ABCA12: variants seen among roughly 807,000 people sequenced by gnomAD.
ABCA12 encodes glucosylceramide transporter ABCA12.
ABCA12 carries 156 observed loss-of-function variants against 293.5 expected under a neutral mutation model. That is an observed-to-expected ratio of 0.53 (90% CI 0.47 to 0.61). The LOEUF (loss-of-function observed/expected upper bound fraction) is 0.61. Among genes scored for constraint, ABCA12 ranks in the 20% least tolerant of loss-of-function variants. The probability of loss-of-function intolerance (pLI) is 0.00; values close to 1 mark genes in which losing one functional copy is unlikely to be tolerated. For missense variants in ABCA12, 2,797 were observed against 3,090.2 expected, an observed-to-expected ratio of 0.91 and a Z score of 2.25; for synonymous variants, 1,063 against 1,108.0, an observed-to-expected ratio of 0.96 and a Z score of 0.81.
chr2:215,092,056 A>G (rs908021692), intron 2 of ABCA12, among the ~76,000 whole-genome samples: 46 of 152,240 alleles, frequency 3.0e-4, no homozygotes, highest in African/African-American at 1.0e-3. Context: ...TCAGATTAGC[A>G]GCTGAAGATT....
intron 15 of ABCA12, among the ~76,000 whole-genome samples, chr2:215,012,751 T>C (rs1205673737): frequency 2.0e-5 from 3 of 152,158 alleles, no homozygotes; most frequent in Non-Finnish European, 4.4e-5. Flanking sequence ...AAAAAAATCA[T>C]TGAGTTAATC....
At chr2:215,045,218 C>G (rs144492669) in intron 7 of ABCA12, among the ~76,000 whole-genome samples, 4 of 152,296 alleles carry the variant, frequency 2.6e-5, no homozygotes, top group Admixed American at 1.3e-4. Flanking sequence ...CCATTAAACT[C>G]TAAATACTGG....
intron 1 of ABCA12, among the ~76,000 whole-genome samples, chr2:215,134,707 G>T (rs1363576267): frequency 6.9e-6 from 1 of 145,626 alleles, no homozygotes; most frequent in Non-Finnish European, 1.5e-5. Flanking sequence ...GAGTACAGGG[G>T]TTCAATCTAG....
chr2:215,118,684 C>G (rs186712436), intron 1 of ABCA12, among the ~76,000 whole-genome samples: 12 of 152,038 alleles, frequency 7.9e-5, no homozygotes, highest in African/African-American at 1.2e-4. Flanking sequence ...AGTGGGGATA[C>G]AGCAATGTAA....
chr2:214,953,185 C>A (rs1698832722), intron 44 of ABCA12, among the ~76,000 whole-genome samples: 2 of 152,234 alleles, frequency 1.3e-5, no homozygotes, highest in South Asian at 4.1e-4. Context: ...ACATAGAGAA[C>A]TATATCATTT....
intron 2 of ABCA12, among the ~76,000 whole-genome samples, chr2:215,073,619 G>A (rs565668885): frequency 7.2e-5 from 11 of 152,156 alleles, no homozygotes; most frequent in South Asian, 2.1e-4. Context: ...ACACCACTTA[G>A]CATCCAGGAA....
At chr2:214,957,179 TA>T (rs1374228464) in intron 41 of ABCA12, among the ~76,000 whole-genome samples, 1 of 152,230 alleles carries the variant, frequency 6.6e-6, no homozygotes, top group East Asian at 1.9e-4. Context: ...GGTTGATTTC[TA>T]AAGCTTGGTT....
chr2:215,014,039 G>A (rs1700435011), intron 15 of ABCA12, among the ~76,000 whole-genome samples: 1 of 151,890 alleles, frequency 6.6e-6, no homozygotes, highest in Admixed American at 6.6e-5. Flanking sequence ...AAATTAGCCG[G>A]GTGTGGTAGC....
At chr2:215,033,120 G>A (rs1464682) in intron 8 of ABCA12, among the ~76,000 whole-genome samples, 146,904 of 152,284 alleles carry the variant, frequency 0.96, 71,072 homozygotes, top group East Asian at 1. Context: ...CTCTGTTCAC[G>A]ATGCAGCTGA....
rs1411973037 is a variant in ABCA12 at position 214,987,553 on chromosome 2, T to C, written c.3976+94A>G. On this transcript the variant is annotated intron_variant, in intron 27 of 52. Transcript: ENST00000272895. ...ATCCATGACTAAAAGGATGATAATT[T>C]TGCCATTTAGAAAAAAATAATTGAA... 11 of 1,443,094 alleles carry C rather than the reference T, an allele frequency of 7.6e-6. No homozygotes were observed. In the Admixed American group the frequency reaches 1.6e-4, roughly 21 times the overall value. 89.4% of individuals were successfully genotyped at this position (1,443,094 alleles called of 1,614,324 possible).
chr2:215,030,600 T>C (rs1300819615), intron 9 of ABCA12, among the ~76,000 whole-genome samples: 3 of 28,998 alleles, frequency 1.0e-4, no homozygotes, highest in Non-Finnish European at 2.3e-4. Flanking sequence ...CCAGACTCCA[T>C]CTCAAAAAAA....
chr2:215,043,190 A>G (rs1034941817), intron 7 of ABCA12, among the ~76,000 whole-genome samples: 1 of 152,170 alleles, frequency 6.6e-6, no homozygotes, highest in African/African-American at 2.4e-5. Flanking sequence ...TTTTAAAAAT[A>G]CACGTGTTGG....
At chr2:215,036,091 A>G (rs73072639) in intron 8 of ABCA12, among the ~76,000 whole-genome samples, 3,658 of 152,296 alleles carry the variant, frequency 0.024, 156 homozygotes, top group African/African-American at 0.083. Context: ...ATCAAATTTA[A>G]TAACAGTCAA....
intron 39 of ABCA12, among the ~76,000 whole-genome samples, chr2:214,959,314 G>A (rs1699046822): frequency 1.3e-5 from 2 of 151,970 alleles, no homozygotes; most frequent in African/African-American, 4.8e-5. Context: ...CTTTGGGAAG[G>A]GAGCAAGAAT....
In ABCA12 at chr2:214,980,575, G is replaced by A. The variant is rs1178018820; in HGVS notation, c.4648C>T (p.Leu1550=). The A allele has an allele frequency of 6.2e-7, 1 of 1,613,926 alleles. No homozygotes were observed. Among genetic ancestry groups the A allele is most frequent in the South Asian group, 1.1e-5 (1 of 91,076 alleles). ...AEVLSDRIAF[L]EQGGLRCCGS... ...CAGCACCTAAGCCCACCCTGCTCCA[G>A]GAAGGCGATGCGGTCACTCAGCACT... The change falls in exon 31 of 53, where the codon CTG becomes TTG. Residue 1550 remains leucine (L), a synonymous_variant. Coordinates refer to ENST00000272895, the MANE Select transcript of ABCA12 (RefSeq NM_173076.3).
chr2:214,956,395 A>T (rs1383715451), intron 42 of ABCA12, among the ~76,000 whole-genome samples: 1 of 152,196 alleles, frequency 6.6e-6, no homozygotes, highest in African/African-American at 2.4e-5. Context: ...TGTAAATGAG[A>T]TCACATATGT....
chr2:215,078,661 A>G (rs1043395430), intron 2 of ABCA12, among the ~76,000 whole-genome samples: 2 of 152,156 alleles, frequency 1.3e-5, no homozygotes, highest in Non-Finnish European at 2.9e-5. Context: ...AACATCTTCT[A>G]TGTCCATAAT....
intron 39 of ABCA12, among the ~76,000 whole-genome samples, chr2:214,964,135 C>A (rs1001975340): frequency 3.3e-4 from 50 of 152,010 alleles, no homozygotes; most frequent in African/African-American, 1.2e-3. Context: ...ACAAAAACTG[C>A]AAGATTATCT....
chr2:215,112,477 GT>G (rs753647814), intron 1 of ABCA12, among the ~76,000 whole-genome samples: 4,032 of 127,860 alleles, frequency 0.032, 125 homozygotes, highest in African/African-American at 0.084. Flanking sequence ...ATTTCTTTGG[GT>G]TTTTTTTGTT....
Sources: gnomAD v4.1 joint callset for allele counts (sites outside exome capture counted in the v4.1 genomes callset) on GRCh38, gnomAD v4.1.1 for gene constraint, MANE v1.5 for transcripts, NCBI Gene and HGNC (gene_info 2026-07-23, HGNC 2026-07-21) for gene names.